Variants in GLIS3 observed in about 807,000 individuals in gnomAD.
The protein encoded by GLIS3 is GLIS family zinc finger 3, also known as zinc finger protein GLIS3.
In GLIS3, 53 loss-of-function variants were observed where a neutral mutation model predicts 78.6. The observed-to-expected ratio is 0.67, with a 90% CI of 0.54 to 0.85. The LOEUF is 0.85. GLIS3 is among the 40% of genes least tolerant of loss of function. The probability of loss-of-function intolerance (pLI) is 0.00; values close to 1 mark genes in which losing one functional copy is unlikely to be tolerated. For missense variants in GLIS3, 1,703 were observed against 1,231.1 expected (o/e 1.38, Z -5.74); for synonymous variants, 684 against 509.9 (o/e 1.34, Z -4.60).
At chr9:4,442,118 C>T in the GLIS3 span, among the ~76,000 whole-genome samples, 2 of 152,218 alleles carry the variant, frequency 1.3e-5, no homozygotes, top group African/African-American at 4.8e-5. Context: ...ACTCCTGACT[C>T]AATCTCCTTA....
intron 8 of GLIS3, among the ~76,000 whole-genome samples, chr9:3,870,590 CAA>C (rs1246747781): frequency 6.6e-6 from 1 of 152,144 alleles, no homozygotes; most frequent in Non-Finnish European, 1.5e-5. Context: ...TGGCAGAAGG[CAA>C]AGAGAATGAG....
chr9:4,184,010 C>T (rs760262332), intron 2 of GLIS3, among the ~76,000 whole-genome samples: 1 of 151,756 alleles, frequency 6.6e-6, no homozygotes, highest in Non-Finnish European at 1.5e-5. Context: ...TTTTTATTTC[C>T]ATAGGAAATC....
intron 2 of GLIS3, among the ~76,000 whole-genome samples, chr9:4,345,499 G>C (rs1370200520): frequency 6.6e-6 from 1 of 152,130 alleles, no homozygotes; most frequent in African/African-American, 2.4e-5. Context: ...TGCTCAATAA[G>C]TATTTTTAAA....
chr9:3,846,776 A>G (rs1027547416), intron 9 of GLIS3, among the ~76,000 whole-genome samples: 1 of 152,232 alleles, frequency 6.6e-6, no homozygotes, highest in Admixed American at 6.5e-5. Flanking sequence ...TTATGCAGAT[A>G]CTGACAAGAA....
chr9:3,936,988 G>T lies in GLIS3; in HGVS notation c.1872+40C>A. 3 of 1,611,656 alleles carry T rather than the reference G, an allele frequency of 1.9e-6. No homozygotes were observed. In the South Asian group the frequency reaches 3.3e-5, roughly 18 times the overall value. ...ATCAAGCAGGCACTTCCTCACACCA[G>T]GCGCTGGGTTGGAAACTGGAAAGCT... On this transcript the variant is annotated intron_variant, in intron 5 of 10. Coordinates refer to ENST00000381971, the MANE Select transcript of GLIS3 (RefSeq NM_001042413.2).
Position 4,024,129 on chromosome 9 carries a change from G to A in GLIS3, c.1711-86940C>T, listed in dbSNP as rs951720075. On this transcript the variant is annotated intron_variant, in intron 4 of 10. Coordinates refer to ENST00000381971, the MANE Select transcript of GLIS3 (RefSeq NM_001042413.2). Reference sequence around the variant, plus strand: ...TCCATGAAAGTTAATTTTTCCCAAAGTGATAATGCCAAGAGCCAGAGCGAG... The same window carrying A: ...TCCATGAAAGTTAATTTTTCCCAAAATGATAATGCCAAGAGCCAGAGCGAG... 4.6e-5 allele frequency among the ~76,000 whole-genome samples: 7 copies of A among 152,240 alleles called. No homozygotes were observed. In the East Asian group the frequency reaches 1.2e-3, roughly 25 times the overall value.
At chr9:3,922,525 T>C (rs966395813) in intron 6 of GLIS3, among the ~76,000 whole-genome samples, 1 of 152,148 alleles carries the variant, frequency 6.6e-6, no homozygotes, top group Non-Finnish European at 1.5e-5. Flanking sequence ...GAACATGATA[T>C]AACAACACTG....
At chr9:4,279,314 A>AAAAAAAT (rs1425536070) in intron 2 of GLIS3, among the ~76,000 whole-genome samples, 13 of 82,646 alleles carry the variant, frequency 1.6e-4, no homozygotes, top group East Asian at 3.7e-4. Context: ...AAAAAAAAAA[A>AAAAAAAT]ATATATATAT....
chr9:4,038,926 T>TA (rs1824559686), intron 4 of GLIS3, among the ~76,000 whole-genome samples: 1 of 152,178 alleles, frequency 6.6e-6, no homozygotes, highest in South Asian at 2.1e-4. Context: ...CAAGGCAGTC[T>TA]AATTTCCCCA....
At chr9:3,958,110 C>T (rs1817273774) in intron 4 of GLIS3, among the ~76,000 whole-genome samples, 1 of 152,220 alleles carries the variant, frequency 6.6e-6, no homozygotes, top group African/African-American at 2.4e-5. Context: ...GCCTTCCACT[C>T]TCTCAGTTCC....
At position 3,827,318 on chromosome 9, in the gene GLIS3, A is replaced by C. The variant is rs1367902658; in HGVS notation, c.*954T>G. ...GTCTGTCCCAGTTCTCACATCTGGC[A>C]CTTCTCTGGGTGCAGCACCAGAGTG... On this transcript the variant is annotated 3_prime_UTR_variant, in exon 11 of 11. Coordinates refer to ENST00000381971, the MANE Select transcript of GLIS3 (RefSeq NM_001042413.2). 1 of 152,238 alleles carries C rather than the reference A, an allele frequency of 6.6e-6. No individual in the cohort carries two copies. The allele number at this position is 152,238 out of a possible 1,614,324, so 9.4% of individuals were successfully genotyped here.
the GLIS3 span, among the ~76,000 whole-genome samples, chr9:4,362,742 G>T: frequency 6.6e-6 from 1 of 152,148 alleles, no homozygotes; most frequent in Non-Finnish European, 1.5e-5. Context: ...GGAACTAGGG[G>T]CCCAGCTTTT....
At chr9:4,477,232 C>A in the GLIS3 span, among the ~76,000 whole-genome samples, 60 of 152,010 alleles carry the variant, frequency 3.9e-4, no homozygotes, top group African/African-American at 1.3e-3. Flanking sequence ...CTTAGCCTTA[C>A]AAAGGAAGGA....
At chr9:4,265,646 T>A (rs1174771636) in intron 2 of GLIS3, among the ~76,000 whole-genome samples, 1 of 152,132 alleles carries the variant, frequency 6.6e-6, no homozygotes, top group Non-Finnish European at 1.5e-5. Flanking sequence ...AACTCTTTTA[T>A]CCAAATATAG....
At chr9:4,058,345 C>T (rs979253971) in intron 4 of GLIS3, among the ~76,000 whole-genome samples, 7 of 152,028 alleles carry the variant, frequency 4.6e-5, no homozygotes, top group Admixed American at 3.3e-4. Flanking sequence ...TAAGCAGATA[C>T]TGCTCTGGGT....
intron 2 of GLIS3, among the ~76,000 whole-genome samples, chr9:4,189,914 G>A (rs559962205): frequency 1.3e-5 from 2 of 152,056 alleles, no homozygotes; most frequent in East Asian, 3.9e-4. Flanking sequence ...CTGATACCCA[G>A]GCAAACAGCG....
intron 2 of GLIS3, among the ~76,000 whole-genome samples, chr9:4,316,952 T>C (rs184464009): frequency 2.6e-5 from 3 of 114,386 alleles, no homozygotes; most frequent in African/African-American, 1.6e-4. Context: ...GTAAAATTGG[T>C]TTTTTAATAT....
the GLIS3 span, among the ~76,000 whole-genome samples, chr9:4,466,972 C>G: frequency 6.6e-6 from 1 of 152,240 alleles, no homozygotes; most frequent in Non-Finnish European, 1.5e-5. Flanking sequence ...AAATGGCACA[C>G]CAGAAGATTA....
intron 4 of GLIS3, among the ~76,000 whole-genome samples, chr9:4,074,095 C>T (rs187158768): frequency 7.9e-5 from 12 of 152,310 alleles, no homozygotes; most frequent in East Asian, 3.9e-4. Context: ...TCCCTTCCGC[C>T]GGACTGGTTC....
Sources: allele counts gnomAD v4.1 joint callset (sites outside exome capture counted in the v4.1 genomes callset), GRCh38; gene constraint gnomAD v4.1.1; transcripts MANE v1.5; gene names NCBI Gene and HGNC (gene_info 2026-07-23, HGNC 2026-07-21).